The following NUFIP2 variants were observed in gnomAD, a reference collection of about 807,000 sequenced individuals.
NUFIP2 encodes the protein FMR1-interacting protein NUFIP2.
NUFIP2 carries 6 observed loss-of-function variants against 56.9 expected under a neutral mutation model. The ratio of observed to expected loss-of-function variants is 0.11; its 90% CI spans 0.06 to 0.21. NUFIP2 has a LOEUF of 0.21. NUFIP2 is among the 10% of genes least tolerant of loss of function. NUFIP2 has a pLI of 1.00. For synonymous variants in NUFIP2, 321 were observed against 298.2 expected (o/e 1.08, Z -0.79); for missense variants, 828 against 826.8 (o/e 1.00, Z -0.02).
At chr17:29,287,802 T>G in intron 1 of NUFIP2, 86 bp from the exon 2 acceptor site, 5 of 1,237,176 alleles carry the variant, frequency 4.0e-6, no homozygotes, top group Non-Finnish European at 5.5e-6. Context: ...CTATTTACTG[T>G]ATGCTAGACA....
chr17:29,266,621 T>C (rs2069038475), intron 3 of NUFIP2, among the ~76,000 whole-genome samples: 1 of 151,962 alleles, frequency 6.6e-6, no homozygotes, highest in Non-Finnish European at 1.5e-5. Context: ...TTTTCTGAAC[T>C]ATGAATTTCA....
At position 29,267,538 on chromosome 17, in the gene NUFIP2, GAA is replaced by G. The variant is rs749944158; in HGVS notation, c.2003-10_2003-9del. 9 of 1,507,790 alleles carry G rather than the reference GAA, an allele frequency of 6.0e-6. No homozygotes were observed. The African/African-American group carries it at 1.3e-4, about 21-fold the overall frequency. The allele number at this position is 1,507,790 out of a possible 1,614,324, so 93.4% of individuals were successfully genotyped here. On this transcript the variant is annotated splice_polypyrimidine_tract_variant and intron_variant, in intron 2 of 3. Transcript: ENST00000225388. The stretch of plus-strand genomic sequence containing the variant: ...TCCAAATAGATTCCATTTCTGCAAA[GAA>G]AAAAAGAGAATTACATACTAAGTTT...
At chr17:29,283,945 G>A (rs1406110706) in intron 2 of NUFIP2, among the ~76,000 whole-genome samples, 2 of 152,160 alleles carry the variant, frequency 1.3e-5, no homozygotes, top group Non-Finnish European at 2.9e-5. Flanking sequence ...TTTTAAGGAA[G>A]TAAAATGATA....
chr17:29,273,178 T>C (rs2069086612), intron 2 of NUFIP2, among the ~76,000 whole-genome samples: 1 of 152,082 alleles, frequency 6.6e-6, no homozygotes, highest in Non-Finnish European at 1.5e-5. Flanking sequence ...TAGCTGGAAC[T>C]ACAGGTGCAC....
rs950541830 is a variant in NUFIP2, at chr17:29,258,466, A to G, written c.*6073T>C. 1 of 152,202 alleles carries G rather than the reference A, an allele frequency of 6.6e-6. No homozygotes were observed. The highest frequency in any genetic ancestry group is 2.4e-5 in the African/African-American group (1 of 41,454). 9.4% of individuals were successfully genotyped at this position (152,202 alleles called of 1,614,324 possible). A position where few individuals can be genotyped will look rare whatever the true frequency, so the allele number is the denominator to read the frequency against. ...AACAAAAAATAAGTCCCCAGCTTAC[A>G]TAGACAAATGTTTTCTAAAAGATCA... On this transcript the variant is annotated 3_prime_UTR_variant, in exon 4 of 4. Transcript: ENST00000225388.
chr17:29,283,489 C>T (rs2153012240), intron 2 of NUFIP2, among the ~76,000 whole-genome samples: 1 of 152,232 alleles, frequency 6.6e-6, no homozygotes, highest in South Asian at 2.1e-4. Flanking sequence ...CACATTGTTG[C>T]CCAGGCTGGT....
At chr17:29,268,353 C>G (rs1242885726) in intron 2 of NUFIP2, among the ~76,000 whole-genome samples, 2 of 152,178 alleles carry the variant, frequency 1.3e-5, no homozygotes, top group African/African-American at 4.8e-5. Context: ...TTAAAAAACA[C>G]CAAGTATTTC....
chr17:29,271,598 G>A (rs551515783), intron 2 of NUFIP2, among the ~76,000 whole-genome samples: 3 of 151,672 alleles, frequency 2.0e-5, no homozygotes, highest in Admixed American at 6.6e-5. Flanking sequence ...GAACTAAGAA[G>A]TGAATGCAAT....
At position 29,286,896 on chromosome 17, in the gene NUFIP2, G is replaced by C. The variant is rs1333959561; in HGVS notation, c.1098C>G (p.Leu366=). 23 of 1,614,056 alleles carry C rather than the reference G, an allele frequency of 1.4e-5. No homozygotes were observed. The highest frequency in any genetic ancestry group is 3.3e-5 in the Admixed American group (2 of 59,996). Residue 366 remains leucine, a synonymous_variant, in exon 2 of 4, where the codon CTC becomes CTG. Coordinates refer to ENST00000225388, the MANE Select transcript of NUFIP2 (RefSeq NM_020772.3). ...CAGAAGAGTTCTGTATAGTTTTGTT[G>C]AGGTTTTCCTTAACTTTGCTTGCAT... ...ISYASKVKEN[L]NKTIQNSSVS... is the part of the protein sequence containing the mutation.
At chr17:29,290,291 T>C (rs1322047857) in intron 1 of NUFIP2, among the ~76,000 whole-genome samples, 2 of 152,168 alleles carry the variant, frequency 1.3e-5, no homozygotes, top group East Asian at 3.8e-4. Context: ...ATCAAATTTT[T>C]GGTGGCACAA....
At chr17:29,279,424 C>G (rs1183484125) in intron 2 of NUFIP2, among the ~76,000 whole-genome samples, 1 of 152,178 alleles carries the variant, frequency 6.6e-6, no homozygotes, top group African/African-American at 2.4e-5. Context: ...TCTGCCTGCA[C>G]TATTCCAAGA....
intron 1 of NUFIP2, among the ~76,000 whole-genome samples, chr17:29,288,407 C>A (rs1598436203): frequency 6.6e-6 from 1 of 152,198 alleles, no homozygotes; most frequent in Non-Finnish European, 1.5e-5. Context: ...TTTATTGAAA[C>A]AGTAATTATT....
intron 2 of NUFIP2, among the ~76,000 whole-genome samples, chr17:29,284,381 T>G (rs892350944): frequency 6.6e-6 from 1 of 152,160 alleles, no homozygotes; most frequent in Non-Finnish European, 1.5e-5. Flanking sequence ...AATTTTTCTT[T>G]AAGACACAAA....
At position 29,261,080 on chromosome 17, in the gene NUFIP2, T is replaced by C. The variant is rs2068999800; in HGVS notation, c.*3459A>G. ...AGAGAAAGATAATACACCCTGTGTATTTTGTGGGAAAAGGGGATTATTGAG... is the reference window on the plus strand; with the variant it reads ...AGAGAAAGATAATACACCCTGTGTACTTTGTGGGAAAAGGGGATTATTGAG... On this transcript the variant is annotated 3_prime_UTR_variant, in exon 4 of 4. Coordinates refer to ENST00000225388, the MANE Select transcript of NUFIP2 (RefSeq NM_020772.3). 6.6e-6 allele frequency: 1 copy of C among 152,114 alleles called. No homozygotes were observed. Among genetic ancestry groups the C allele is most frequent in the Non-Finnish European group, 1.5e-5 (1 of 68,014 alleles). 9.4% of individuals were successfully genotyped at this position (152,114 alleles called of 1,614,324 possible). A position where few individuals can be genotyped will look rare whatever the true frequency, so the allele number is the denominator to read the frequency against.
intron 3 of NUFIP2, among the ~76,000 whole-genome samples, chr17:29,265,199 G>A (rs1164675118): frequency 2.0e-5 from 3 of 152,072 alleles, no homozygotes; most frequent in Admixed American, 2.0e-4. Flanking sequence ...GTTAGAATGT[G>A]TCTGGAAGAA....
intron 2 of NUFIP2, among the ~76,000 whole-genome samples, chr17:29,269,129 A>G (rs2153010991): frequency 6.6e-6 from 1 of 152,354 alleles, no homozygotes; most frequent in East Asian, 1.9e-4. Flanking sequence ...TCTGGAGATT[A>G]ACACAAACTA....
At position 29,259,805 on chromosome 17, in the gene NUFIP2, C is replaced by T. The variant is rs1487684559; in HGVS notation, c.*4734G>A. On this transcript the variant is annotated 3_prime_UTR_variant, in exon 4 of 4. Coordinates refer to ENST00000225388, the MANE Select transcript of NUFIP2 (RefSeq NM_020772.3). ...TGGGTGTTTTTATTATGCAGACAAC[C>T]GAAAATTCTATTCGCACTATTGCTG... The T allele has an allele frequency of 2.0e-5, 3 of 152,030 alleles. No homozygotes were observed. The highest frequency in any genetic ancestry group is 2.1e-4 in the South Asian group (1 of 4,818). 9.4% of individuals were successfully genotyped at this position (152,030 alleles called of 1,614,324 possible). A position where few individuals can be genotyped will look rare whatever the true frequency, so the allele number is the denominator to read the frequency against.
Position 29,263,010 on chromosome 17 carries a change from C to G in NUFIP2, c.*1529G>C, listed in dbSNP as rs1270029932. On this transcript the variant is annotated 3_prime_UTR_variant, in exon 4 of 4. Transcript: ENST00000225388. The stretch of plus-strand genomic sequence containing the variant: ...AGTAGTTACTTTCTCCCCAAATACC[C>G]CAGGGGATCCAGTCTACTTTTATCA... 5 of 152,452 alleles carry G rather than the reference C, an allele frequency of 3.3e-5. No individual in the cohort carries two copies. The highest frequency in any genetic ancestry group is 1.2e-4 in the African/African-American group (5 of 41,382). 9.4% of individuals were successfully genotyped at this position (152,452 alleles called of 1,614,324 possible). A position where few individuals can be genotyped will look rare whatever the true frequency, so the allele number is the denominator to read the frequency against.
chr17:29,282,486 T>A (rs184165774), intron 2 of NUFIP2, among the ~76,000 whole-genome samples: 11 of 150,598 alleles, frequency 7.3e-5, no homozygotes, highest in African/African-American at 2.4e-4. Context: ...GGGCGGAGGT[T>A]GCAGTGAGCC....
Sources: gnomAD v4.1 joint callset for allele counts (sites outside exome capture counted in the v4.1 genomes callset) on GRCh38, gnomAD v4.1.1 for gene constraint, MANE v1.5 for transcripts, NCBI Gene and HGNC (gene_info 2026-07-23, HGNC 2026-07-21) for gene names.